The following HS3ST4 variants were observed in gnomAD, a reference collection of about 807,000 sequenced individuals.
HS3ST4 encodes heparan sulfate-glucosamine 3-sulfotransferase 4, also known as heparan sulfate glucosamine 3-O-sulfotransferase 4.
HS3ST4 carries 17 observed loss-of-function variants against 29.2 expected under a neutral mutation model. That is an observed-to-expected ratio of 0.58 (90% confidence interval 0.40 to 0.87). The LOEUF (loss-of-function observed/expected upper bound fraction) is 0.87, where lower values mean the gene tolerates loss of function less well. Among genes scored for constraint, HS3ST4 ranks in the 40% least tolerant of loss-of-function variants. The pLI is 0.00. For missense variants in HS3ST4, 627 were observed against 634.5 expected (o/e 0.99, Z 0.13); for synonymous variants, 314 against 285.7 (o/e 1.10, Z -1.00).
intron 1 of HS3ST4, among the ~76,000 whole-genome samples, chr16:25,768,984 C>A (rs1367072487): frequency 6.6e-6 from 1 of 152,078 alleles, no homozygotes; most frequent in Non-Finnish European, 1.5e-5. Flanking sequence ...TTGGTCCACT[C>A]CACTCACTGA....
At chr16:25,961,734 A>G (rs1319045196) in intron 1 of HS3ST4, among the ~76,000 whole-genome samples, 2 of 152,226 alleles carry the variant, frequency 1.3e-5, no homozygotes, top group African/African-American at 2.4e-5. Flanking sequence ...ATTACTAAAA[A>G]GGAAAAAATT....
At chr16:26,002,910 A>G (rs932335462) in intron 1 of HS3ST4, among the ~76,000 whole-genome samples, 1 of 152,110 alleles carries the variant, frequency 6.6e-6, no homozygotes, top group Non-Finnish European at 1.5e-5. Context: ...TTCAAGAGAA[A>G]AAAACTTTAG....
At chr16:25,899,599 G>A (rs887221179) in intron 1 of HS3ST4, among the ~76,000 whole-genome samples, 3 of 151,976 alleles carry the variant, frequency 2.0e-5, no homozygotes, top group African/African-American at 2.4e-5. Context: ...TCTGCCGTAC[G>A]TGTTCAAGCA....
At chr16:26,123,161 A>G (rs990187120) in intron 1 of HS3ST4, among the ~76,000 whole-genome samples, 6 of 152,126 alleles carry the variant, frequency 3.9e-5, no homozygotes, top group African/African-American at 1.4e-4. Context: ...CAGTGATAAC[A>G]TGAGGGAGCA....
At chr16:26,099,764 G>T (rs1352329373) in intron 1 of HS3ST4, among the ~76,000 whole-genome samples, 1 of 152,066 alleles carries the variant, frequency 6.6e-6, no homozygotes, top group Non-Finnish European at 1.5e-5. Flanking sequence ...AGTAGGCGTG[G>T]CAGACAATAT....
chr16:25,896,749 G>A (rs1361142337), intron 1 of HS3ST4, among the ~76,000 whole-genome samples: 1 of 152,096 alleles, frequency 6.6e-6, no homozygotes, highest in Non-Finnish European at 1.5e-5. Flanking sequence ...ACCAAGCTGT[G>A]GAATTAATCC....
intron 1 of HS3ST4, among the ~76,000 whole-genome samples, chr16:25,798,008 T>C (rs1333170004): frequency 6.6e-6 from 1 of 152,104 alleles, no homozygotes; most frequent in East Asian, 1.9e-4. Flanking sequence ...AGATTTTTGA[T>C]GTAAGTATGT....
intron 1 of HS3ST4, among the ~76,000 whole-genome samples, chr16:25,971,357 C>G (rs1187988039): frequency 6.6e-6 from 1 of 152,214 alleles, no homozygotes; most frequent in Non-Finnish European, 1.5e-5. Context: ...CATTTCTCAA[C>G]TCATGCAATC....
At chr16:26,104,139 T>C (rs1375035299) in intron 1 of HS3ST4, among the ~76,000 whole-genome samples, 1 of 152,304 alleles carries the variant, frequency 6.6e-6, no homozygotes, top group East Asian at 1.9e-4. Flanking sequence ...TTAGATAAAC[T>C]GGTTCAGTTA....
chr16:25,723,602 A>G (rs1966511128), intron 1 of HS3ST4, among the ~76,000 whole-genome samples: 1 of 152,182 alleles, frequency 6.6e-6, no homozygotes, highest in South Asian at 2.1e-4. Flanking sequence ...TTTTTGCAGT[A>G]ACATCTGAAA....
At chr16:25,990,158 C>A (rs963922237) in intron 1 of HS3ST4, among the ~76,000 whole-genome samples, 2 of 152,226 alleles carry the variant, frequency 1.3e-5, no homozygotes, top group African/African-American at 4.8e-5. Context: ...CATTCACCTA[C>A]TGAAGGACAT....
At chr16:25,696,994 G>T (rs537039604) in intron 1 of HS3ST4, among the ~76,000 whole-genome samples, 1 of 152,200 alleles carries the variant, frequency 6.6e-6, no homozygotes, top group Non-Finnish European at 1.5e-5. Flanking sequence ...TGGCTGTTCA[G>T]TGCCTCTGCT....
intron 1 of HS3ST4, among the ~76,000 whole-genome samples, chr16:25,990,974 G>A (rs139865826): frequency 2.0e-5 from 3 of 152,198 alleles, no homozygotes; most frequent in Admixed American, 6.5e-5. Context: ...CCTGCAGTCA[G>A]CTCACCCCCA....
chr16:26,018,449 C>T (rs1348116663), intron 1 of HS3ST4, among the ~76,000 whole-genome samples: 2 of 152,102 alleles, frequency 1.3e-5, no homozygotes, highest in African/African-American at 4.8e-5. Flanking sequence ...CATTTTTTCT[C>T]GGCATTTACT....
chr16:25,777,940 GAAAT>G (rs1413239500), intron 1 of HS3ST4, among the ~76,000 whole-genome samples: 2 of 152,162 alleles, frequency 1.3e-5, no homozygotes, highest in South Asian at 2.1e-4. Flanking sequence ...CATAGAGAGA[GAAAT>G]AGATAGACAC....
chr16:25,706,521 C>G (rs775486690), intron 1 of HS3ST4, among the ~76,000 whole-genome samples: 6 of 152,044 alleles, frequency 3.9e-5, no homozygotes, highest in Non-Finnish European at 1.5e-5. Flanking sequence ...TCCTAATGCT[C>G]TCCGTCCCCT....
intron 1 of HS3ST4, among the ~76,000 whole-genome samples, chr16:26,124,286 A>G (rs929222718): frequency 1.3e-5 from 2 of 152,118 alleles, no homozygotes; most frequent in African/African-American, 2.4e-5. Flanking sequence ...AGTTCCTGCC[A>G]TGCTATAGTT....
At chr16:26,095,907 A>C (rs1327843827) in intron 1 of HS3ST4, among the ~76,000 whole-genome samples, 1 of 152,322 alleles carries the variant, frequency 6.6e-6, no homozygotes, top group Admixed American at 6.5e-5. Flanking sequence ...AGAATCAAAT[A>C]GATGCAACAA....
At chr16:26,092,795 A>C (rs1315644884) in intron 1 of HS3ST4, among the ~76,000 whole-genome samples, 5 of 152,092 alleles carry the variant, frequency 3.3e-5, no homozygotes. Context: ...GCATTGCCTC[A>C]CCCGGGAAGT....
Sources: gnomAD v4.1 joint callset for allele counts (sites outside exome capture counted in the v4.1 genomes callset) on GRCh38, gnomAD v4.1.1 for gene constraint, MANE v1.5 for transcripts, NCBI Gene and HGNC (gene_info 2026-07-23, HGNC 2026-07-21) for gene names.